The following DTNA variants were observed in gnomAD, a reference collection of about 807,000 sequenced individuals.
DTNA encodes dystrobrevin alpha.
Under a neutral mutation model 100.7 loss-of-function variants are expected in DTNA, and 43 were observed. The ratio of observed to expected loss-of-function variants is 0.43; its 90% CI spans 0.33 to 0.55. The LOEUF is 0.55. Ranked by LOEUF, DTNA falls within the 20% of genes least tolerant of loss-of-function variation. DTNA has a pLI of 0.04. For synonymous variants in DTNA, 349 were observed against 347.9 expected, an observed-to-expected ratio of 1.00 and a Z score of -0.04; for missense variants, 798 against 953.9, an observed-to-expected ratio of 0.84 and a Z score of 2.15.
chr18:34,494,077 G>C (rs569177478), intron 1 of DTNA: 1 of 151,768 alleles, frequency 6.6e-6, no homozygotes, highest in Non-Finnish European at 1.5e-5. Context: ...TGCTGCTGCC[G>C]CGGCGCCGCT....
chr18:34,840,985 T>C (rs2096257155), intron 13 of DTNA, among the ~76,000 whole-genome samples: 1 of 152,134 alleles, frequency 6.6e-6, no homozygotes, highest in Non-Finnish European at 1.5e-5. Flanking sequence ...CAGTGAGACA[T>C]ATAATAATAG....
At chr18:34,801,017 A>G (rs1042143504) in intron 4 of DTNA, among the ~76,000 whole-genome samples, 1 of 152,190 alleles carries the variant, frequency 6.6e-6, no homozygotes, top group African/African-American at 2.4e-5. Flanking sequence ...TCAAATTTTG[A>G]AGTAATTCAA....
At chr18:34,649,187 C>T (rs1242160127) in intron 1 of DTNA, among the ~76,000 whole-genome samples, 2 of 152,214 alleles carry the variant, frequency 1.3e-5, no homozygotes, top group African/African-American at 2.4e-5. Context: ...ACAAACTTAT[C>T]TCTGTCTGTA....
chr18:34,843,211 T>C (rs2096304473), intron 13 of DTNA, among the ~76,000 whole-genome samples: 1 of 152,082 alleles, frequency 6.6e-6, no homozygotes, highest in East Asian at 1.9e-4. Context: ...GAGTATAAAA[T>C]AGATGAAAAA....
At chr18:34,831,900 G>A (rs1337802461) in intron 11 of DTNA, among the ~76,000 whole-genome samples, 1 of 152,186 alleles carries the variant, frequency 6.6e-6, no homozygotes, top group Admixed American at 6.5e-5. Context: ...GGGTTGACTT[G>A]TTGGTCAGGT....
Position 34,755,992 on chromosome 18 carries a change from G to C in DTNA, c.16G>C (p.Gly6Arg). The C allele has an allele frequency of 1.9e-6, 3 of 1,613,282 alleles. No homozygotes were observed. Among genetic ancestry groups the C allele is most frequent in the Non-Finnish European group, 2.5e-6 (3 of 1,179,546 alleles). The change falls in exon 2 of 23, where the codon GGG (glycine) becomes CGG (arginine). Residue 6 changes from glycine (G) to arginine (R), a missense_variant. Coordinates refer to ENST00000444659, the MANE Select transcript of DTNA (RefSeq NM_001386795.1). MIEDS[G>R]KRGNTMAERR... ...GTCTCATAGAATGATTGAAGATAGT[G>C]GGAAAAGAGGAAATACCATGGCAGA...
At chr18:34,752,752 T>A (rs1487275041) in intron 1 of DTNA, among the ~76,000 whole-genome samples, 1 of 152,198 alleles carries the variant, frequency 6.6e-6, no homozygotes, top group African/African-American at 2.4e-5. Flanking sequence ...GAAGTGAGAA[T>A]TAATACCTAT....
chr18:34,835,395 G>T (rs2096118252), intron 11 of DTNA, among the ~76,000 whole-genome samples: 1 of 152,132 alleles, frequency 6.6e-6, no homozygotes, highest in Non-Finnish European at 1.5e-5. Flanking sequence ...ACCAACACTG[G>T]CAAGGGCCAA....
intron 1 of DTNA, among the ~76,000 whole-genome samples, chr18:34,692,623 C>T (rs985197754): frequency 5.3e-5 from 8 of 152,150 alleles, no homozygotes; most frequent in Non-Finnish European, 1.0e-4. Context: ...TACTCATTGG[C>T]AAATAAGTTT....
intron 1 of DTNA, among the ~76,000 whole-genome samples, chr18:34,524,671 A>T (rs1568587817): frequency 6.6e-6 from 1 of 152,178 alleles, no homozygotes; most frequent in Non-Finnish European, 1.5e-5. Context: ...GTGCTCTGGT[A>T]TGCAAACATA....
chr18:34,829,483 G>A lies in DTNA; in HGVS notation c.1169G>A (p.Gly390Asp). The change falls in exon 11 of 23, where the codon GGT becomes GAT. Residue 390 changes from glycine to aspartate, a missense_variant. Gly to Asp is a moderately conservative substitution (Grantham distance 94). Coordinates refer to ENST00000444659, the MANE Select transcript of DTNA (RefSeq NM_001386795.1). ...IKLYVNQLDH[G>D]ARSPPKDSEV... ...CTGTACGTAAATCAGCTTGATCACGGTGCACGGTCAGTATCCCAGCCCTGA... is the reference window on the plus strand; with the variant it reads ...CTGTACGTAAATCAGCTTGATCACGATGCACGGTCAGTATCCCAGCCCTGA... 2 of 1,518,372 alleles carry A rather than the reference G, an allele frequency of 1.3e-6. No individual in the cohort carries two copies. The highest frequency in any genetic ancestry group is 1.8e-6 in the Non-Finnish European group (2 of 1,133,790). The allele number at this position is 1,518,372 out of a possible 1,614,324, so 94.1% of individuals were successfully genotyped here.
intron 1 of DTNA, among the ~76,000 whole-genome samples, chr18:34,579,588 T>G (rs2048425885): frequency 6.6e-6 from 1 of 152,194 alleles, no homozygotes; most frequent in Non-Finnish European, 1.5e-5. Context: ...CTTCAATACT[T>G]TGCAGATATT....
At chr18:34,873,872 G>T (rs988262593) in intron 17 of DTNA, among the ~76,000 whole-genome samples, 8 of 152,104 alleles carry the variant, frequency 5.3e-5, no homozygotes, top group African/African-American at 1.9e-4. Context: ...AGGGAAGCAG[G>T]CTGCAAAAAC....
At chr18:34,779,199 CAA>C (rs1175209683) in intron 3 of DTNA, among the ~76,000 whole-genome samples, 1 of 152,170 alleles carries the variant, frequency 6.6e-6, no homozygotes, top group Non-Finnish European at 1.5e-5. Context: ...CTAAGGAAAA[CAA>C]GACAGAATGA....
rs1017249973 is a variant in DTNA at position 34,661,613 on chromosome 18, G to A, written c.-1-94363G>A. Among the ~76,000 whole-genome samples the A allele has an allele frequency of 2.0e-5, 3 of 152,078 alleles. No individual in the cohort carries two copies. The East Asian group carries it at 5.8e-4, about 29-fold the overall frequency. ...TTTAATCAGACAAAGGATGAGTTTCGCATAGATGAGTTTTCAATAAACAGG... is the reference window on the plus strand; with the variant it reads ...TTTAATCAGACAAAGGATGAGTTTCACATAGATGAGTTTTCAATAAACAGG... On this transcript the variant is annotated intron_variant, in intron 1 of 19. Coordinates refer to the DTNA transcript ENST00000283365.
chr18:34,660,824 C>T (rs2075080347), intron 1 of DTNA, among the ~76,000 whole-genome samples: 2 of 152,124 alleles, frequency 1.3e-5, no homozygotes, highest in South Asian at 4.2e-4. Context: ...CTCCCCACCC[C>T]CGCTTTGAGT....
At chr18:34,630,191 G>A (rs1364208857) in intron 1 of DTNA, among the ~76,000 whole-genome samples, 2 of 151,964 alleles carry the variant, frequency 1.3e-5, no homozygotes, top group Non-Finnish European at 2.9e-5. Flanking sequence ...ATCATCTTAA[G>A]TGACTTCACG....
intron 1 of DTNA, among the ~76,000 whole-genome samples, chr18:34,525,386 G>T (rs968002766): frequency 2.0e-5 from 3 of 151,988 alleles, no homozygotes; most frequent in African/African-American, 4.8e-5. Context: ...GTACTTTCTC[G>T]CACACTGTCT....
intron 6 of DTNA, 76 bp from the exon 7 acceptor site, chr18:34,815,833 A>G (rs2095583922): frequency 7.8e-7 from 1 of 1,276,470 alleles, no homozygotes; most frequent in Non-Finnish European, 1.1e-6. Context: ...TTCAGTCTCA[A>G]ATGATATGAT....
Sources: allele counts gnomAD v4.1 joint callset (sites outside exome capture counted in the v4.1 genomes callset), GRCh38; gene constraint gnomAD v4.1.1; transcripts MANE v1.5; gene names NCBI Gene and HGNC (gene_info 2026-07-23, HGNC 2026-07-21).